Variants in ZFPM2 observed in about 807,000 individuals in gnomAD.
ZFPM2 encodes zinc finger protein ZFPM2.
A neutral mutation model predicts 98.6 loss-of-function variants in ZFPM2; 20 were observed. The observed-to-expected ratio is 0.20, with a 90% CI of 0.14 to 0.29. The LOEUF (loss-of-function observed/expected upper bound fraction) is 0.29. ZFPM2 is among the 10% of genes least tolerant of loss of function. The pLI is 1.00. For missense variants in ZFPM2, 1,310 were observed against 1,388.6 expected (o/e 0.94, Z 0.90); for synonymous variants, 518 against 502.7 (o/e 1.03, Z -0.41).
chr8:105,650,597 A>G (rs1817151181), intron 5 of ZFPM2, among the ~76,000 whole-genome samples: 1 of 152,192 alleles, frequency 6.6e-6, no homozygotes, highest in Admixed American at 6.5e-5. Context: ...CATTGGTTTC[A>G]AAGAACATCT....
rs145873280 is a variant in ZFPM2 at position 105,431,465 on chromosome 8, A to G, written c.199+12163A>G. On this transcript the variant is annotated intron_variant, in intron 2 of 7. Transcript: ENST00000407775. ...ACACCTGCTATGTCAGACATGTGAG[A>G]CATGCTGTGGATACAATGGTAAGTA... 5.5e-3 allele frequency among the ~76,000 whole-genome samples: 840 copies of G among 152,310 alleles called. 7 individuals carry two copies. The highest frequency in any genetic ancestry group is 0.019 in the African/African-American group (806 of 41,570).
At chr8:105,441,460 A>G (rs539675777) in intron 2 of ZFPM2, among the ~76,000 whole-genome samples, 1,407 of 72,310 alleles carry the variant, frequency 0.019, 228 homozygotes, top group African/African-American at 0.049. Flanking sequence ...GAGAGAAAGA[A>G]AGAAAGAAAG....
chr8:105,365,556 C>G (rs901372833), intron 1 of ZFPM2, among the ~76,000 whole-genome samples: 2 of 152,180 alleles, frequency 1.3e-5, no homozygotes, highest in African/African-American at 4.8e-5. Context: ...AAAGAATTCT[C>G]TGATACATTT....
chr8:105,755,784 A>G (rs918208902), intron 5 of ZFPM2, among the ~76,000 whole-genome samples: 2 of 152,144 alleles, frequency 1.3e-5, no homozygotes, highest in Non-Finnish European at 2.9e-5. Flanking sequence ...AAATTAATAA[A>G]AAAGAACCTT....
At chr8:105,530,167 AAGG>A (rs1814265778) in intron 3 of ZFPM2, among the ~76,000 whole-genome samples, 2 of 152,128 alleles carry the variant, frequency 1.3e-5, no homozygotes, top group South Asian at 2.1e-4. Flanking sequence ...CCCTGCTATA[AAGG>A]AGGTGTGCTG....
intron 2 of ZFPM2, among the ~76,000 whole-genome samples, chr8:105,419,846 T>C (rs1421085008): frequency 3.3e-5 from 5 of 151,604 alleles, no homozygotes; most frequent in South Asian, 2.1e-4. Context: ...ACATTAACAA[T>C]ATAATCCAAG....
At chr8:105,521,022 A>T (rs1257201295) in intron 3 of ZFPM2, among the ~76,000 whole-genome samples, 1 of 147,158 alleles carries the variant, frequency 6.8e-6, no homozygotes, top group African/African-American at 2.4e-5. Context: ...TATGTTAAAA[A>T]TTTGATGTAG....
Position 105,608,271 on chromosome 8 carries a change from T to C in ZFPM2, c.421-25975T>C, listed in dbSNP as rs1816235887. Among the ~76,000 whole-genome samples, 4 of 151,984 alleles carry C rather than the reference T, an allele frequency of 2.6e-5. No homozygotes were observed. In the South Asian group the frequency reaches 8.3e-4, roughly 32 times the overall value. On this transcript the variant is annotated intron_variant, in intron 4 of 7. Transcript: ENST00000407775. ...GTGATGAAATAAGCTGTACAACAAG[T>C]TTACCTGTGTAACAAACCTGCACAA...
At chr8:105,576,471 T>C (rs1420829231) in intron 4 of ZFPM2, among the ~76,000 whole-genome samples, 1 of 152,134 alleles carries the variant, frequency 6.6e-6, no homozygotes, top group African/African-American at 2.4e-5. Flanking sequence ...TGAGACCTGA[T>C]TGGTAGAGGG....
intron 1 of ZFPM2, among the ~76,000 whole-genome samples, chr8:105,397,152 C>G (rs1323910928): frequency 2.0e-5 from 3 of 152,118 alleles, no homozygotes; most frequent in Admixed American, 2.0e-4. Flanking sequence ...TCTTCCATCC[C>G]CCTCTATCAT....
At chr8:105,489,235 C>A (rs1316974849) in intron 3 of ZFPM2, among the ~76,000 whole-genome samples, 1 of 151,764 alleles carries the variant, frequency 6.6e-6, no homozygotes, top group Non-Finnish European at 1.5e-5. Context: ...AGAGAAAAAT[C>A]CTGTGCTAAA....
chr8:105,681,474 A>T (rs1487112823), intron 5 of ZFPM2, among the ~76,000 whole-genome samples: 1 of 152,214 alleles, frequency 6.6e-6, no homozygotes, highest in African/African-American at 2.4e-5. Flanking sequence ...TTGTCTGTAG[A>T]TTATAAGTAG....
chr8:105,535,173 C>T (rs34448908), intron 3 of ZFPM2, among the ~76,000 whole-genome samples: 17,893 of 152,134 alleles, frequency 0.12, 1,152 homozygotes, highest in South Asian at 0.17. Flanking sequence ...CTTTATGTTA[C>T]GATCCAGATT....
intron 3 of ZFPM2, among the ~76,000 whole-genome samples, chr8:105,496,323 T>G (rs1480477881): frequency 6.6e-6 from 1 of 151,974 alleles, no homozygotes; most frequent in Non-Finnish European, 1.5e-5. Flanking sequence ...GCATTGGTGG[T>G]TCAGTGGTTT....
At chr8:105,697,231 A>G (rs1039522212) in intron 5 of ZFPM2, among the ~76,000 whole-genome samples, 21 of 152,210 alleles carry the variant, frequency 1.4e-4, no homozygotes, top group Non-Finnish European at 1.6e-4. Flanking sequence ...GAAGGTTAGA[A>G]TGAGCGCTTA....
chr8:105,373,498 G>T (rs1311614497), intron 1 of ZFPM2, among the ~76,000 whole-genome samples: 1 of 152,102 alleles, frequency 6.6e-6, no homozygotes, highest in Non-Finnish European at 1.5e-5. Context: ...AATTTCACAG[G>T]AGAGAGCTTC....
chr8:105,547,948 T>C (rs1429239273), intron 3 of ZFPM2, among the ~76,000 whole-genome samples: 1 of 152,136 alleles, frequency 6.6e-6, no homozygotes, highest in Admixed American at 6.5e-5. Context: ...TATATAGTCA[T>C]GAAACAATAA....
At chr8:105,643,908 C>T (rs943657810) in intron 5 of ZFPM2, among the ~76,000 whole-genome samples, 1 of 152,178 alleles carries the variant, frequency 6.6e-6, no homozygotes, top group African/African-American at 2.4e-5. Flanking sequence ...TGACCCATGA[C>T]CTGTTTTTGT....
intron 4 of ZFPM2, among the ~76,000 whole-genome samples, chr8:105,620,432 G>C (rs1212745937): frequency 6.6e-6 from 1 of 152,068 alleles, no homozygotes; most frequent in Admixed American, 6.6e-5. Context: ...CTGGATATTA[G>C]CCCTTTGTCA....
Sources: gnomAD v4.1 joint callset for allele counts (sites outside exome capture counted in the v4.1 genomes callset) on GRCh38, gnomAD v4.1.1 for gene constraint, MANE v1.5 for transcripts, NCBI Gene and HGNC (gene_info 2026-07-23, HGNC 2026-07-21) for gene names.